The following LINGO2 variants were observed in gnomAD, a reference collection of about 807,000 sequenced individuals.
The protein encoded by LINGO2 is leucine-rich repeat and immunoglobulin-like domain-containing nogo receptor-interacting protein 2.
In LINGO2, 14 loss-of-function variants were observed where a neutral mutation model predicts 30.6. The ratio of observed to expected loss-of-function variants is 0.46; its 90% CI spans 0.30 to 0.72. The LOEUF is 0.72. Among genes scored for constraint, LINGO2 ranks in the 30% least tolerant of loss-of-function variants. The pLI is 0.07. For missense variants in LINGO2, 729 were observed against 751.7 expected, an observed-to-expected ratio of 0.97 and a Z score of 0.35; for synonymous variants, 317 against 288.5, an observed-to-expected ratio of 1.10 and a Z score of -1.00.
the LINGO2 span, among the ~76,000 whole-genome samples, chr9:28,812,731 G>A: frequency 6.6e-6 from 1 of 152,176 alleles, no homozygotes; most frequent in South Asian, 2.1e-4. Context: ...CAGGAGCAAA[G>A]TAACTGTGAT....
chr9:28,991,037 G>A, the LINGO2 span, among the ~76,000 whole-genome samples: 3 of 152,226 alleles, frequency 2.0e-5, no homozygotes, highest in Admixed American at 1.3e-4. Flanking sequence ...TGAGTTGAGA[G>A]AAGAAGGCTT....
At chr9:28,274,308 A>G (rs1186811719) in intron 4 of LINGO2, among the ~76,000 whole-genome samples, 1 of 152,160 alleles carries the variant, frequency 6.6e-6, no homozygotes, top group East Asian at 1.9e-4. Flanking sequence ...AGTAATTTTA[A>G]AAAAGTAACC....
chr9:28,682,655 T>G, the LINGO2 span, among the ~76,000 whole-genome samples: 1 of 152,138 alleles, frequency 6.6e-6, no homozygotes, highest in Non-Finnish European at 1.5e-5. Flanking sequence ...GATTTGAAAT[T>G]GATGTAAAAT....
chr9:28,955,962 A>G, the LINGO2 span, among the ~76,000 whole-genome samples: 1 of 152,104 alleles, frequency 6.6e-6, no homozygotes. Context: ...AAGATTACAA[A>G]CAAGTAATTC....
chr9:28,079,245 T>C (rs1366046369), intron 4 of LINGO2, among the ~76,000 whole-genome samples: 1 of 152,160 alleles, frequency 6.6e-6, no homozygotes, highest in Non-Finnish European at 1.5e-5. Context: ...AAACATGATT[T>C]ACTGAGTAAA....
chr9:28,223,281 C>A (rs1821031037), intron 4 of LINGO2, among the ~76,000 whole-genome samples: 1 of 152,190 alleles, frequency 6.6e-6, no homozygotes, highest in South Asian at 2.1e-4. Flanking sequence ...GTAAGGCCTG[C>A]TCTCTGCTTC....
At chr9:29,051,370 C>A in the LINGO2 span, among the ~76,000 whole-genome samples, 1 of 152,160 alleles carries the variant, frequency 6.6e-6, no homozygotes, top group Admixed American at 6.5e-5. Flanking sequence ...GTTGGAATTA[C>A]ACAGTATGTA....
chr9:29,192,260 C>A, the LINGO2 span, among the ~76,000 whole-genome samples: 1 of 152,098 alleles, frequency 6.6e-6, no homozygotes, highest in Non-Finnish European at 1.5e-5. Flanking sequence ...TGTTTTAGGG[C>A]CTGTTCTATA....
At chr9:28,235,402 A>C (rs1460055353) in intron 4 of LINGO2, among the ~76,000 whole-genome samples, 1 of 152,186 alleles carries the variant, frequency 6.6e-6, no homozygotes, top group Admixed American at 6.5e-5. Flanking sequence ...TAAAGACTAT[A>C]GTAAATACCT....
intron 4 of LINGO2, among the ~76,000 whole-genome samples, chr9:28,292,192 G>A (rs1291660794): frequency 6.6e-6 from 1 of 152,164 alleles, no homozygotes; most frequent in African/African-American, 2.4e-5. Flanking sequence ...GTGATCGGGA[G>A]CCAGCCTGCC....
intron 1 of LINGO2, among the ~76,000 whole-genome samples, chr9:28,506,417 TATATACAC>T (rs1161737385): frequency 0.062 from 194 of 3,128 alleles, 4 homozygotes; most frequent in African/African-American, 0.098. Flanking sequence ...TATATATATA[TATATACAC>T]ACACACACAC....
In LINGO2 at chr9:28,310,240, G is replaced by A. The variant is rs148801807; in HGVS notation, c.-245-14874C>T. Among the ~76,000 whole-genome samples, 578 of 152,220 alleles carry A rather than the reference G, an allele frequency of 3.8e-3. 1 individual carries two copies. The highest frequency in any genetic ancestry group is 0.013 in the African/African-American group (557 of 41,540). On this transcript the variant is annotated intron_variant, in intron 3 of 5. Transcript: ENST00000379992. ...GACATACAAACACTTGTCCACAGTC[G>A]TTCCTAGAAACTTTTTTGGCAGTTT...
the LINGO2 span, among the ~76,000 whole-genome samples, chr9:28,994,855 T>C: frequency 2.8e-4 from 43 of 152,244 alleles, no homozygotes; most frequent in African/African-American, 9.9e-4. Context: ...TTACACCTTA[T>C]ACAAAAATTA....
chr9:28,740,408 C>T, the LINGO2 span, among the ~76,000 whole-genome samples: 1 of 151,558 alleles, frequency 6.6e-6, no homozygotes, highest in African/African-American at 2.4e-5. Flanking sequence ...TCAGTTTTTG[C>T]CTAATGTATT....
chr9:27,958,695 G>A (rs1487977535), intron 5 of LINGO2, among the ~76,000 whole-genome samples: 1 of 152,062 alleles, frequency 6.6e-6, no homozygotes, highest in Non-Finnish European at 1.5e-5. Flanking sequence ...GAAAAACATA[G>A]TATTTGTAGG....
At chr9:28,454,608 T>C (rs1237169010) in intron 2 of LINGO2, among the ~76,000 whole-genome samples, 6 of 151,952 alleles carry the variant, frequency 3.9e-5, no homozygotes, top group Non-Finnish European at 7.4e-5. Context: ...ACAATGTACA[T>C]ATATATTCTG....
intron 1 of LINGO2, among the ~76,000 whole-genome samples, chr9:28,541,492 C>A (rs1038972892): frequency 2.6e-5 from 4 of 152,090 alleles, no homozygotes; most frequent in Non-Finnish European, 5.9e-5. Context: ...AAAACAAGAG[C>A]AATTTTTATA....
the LINGO2 span, among the ~76,000 whole-genome samples, chr9:28,917,196 C>T: frequency 2.9e-4 from 44 of 151,982 alleles, 1 homozygote; most frequent in Admixed American, 2.6e-3. Flanking sequence ...ACTATATCAC[C>T]GAAATAAAAT....
At chr9:28,644,972 C>G (rs1827771150) in intron 1 of LINGO2, among the ~76,000 whole-genome samples, 1 of 151,920 alleles carries the variant, frequency 6.6e-6, no homozygotes, top group Non-Finnish European at 1.5e-5. Flanking sequence ...ATTTAAAAAT[C>G]CCAGATGATT....
Sources: allele counts gnomAD v4.1 joint callset (sites outside exome capture counted in the v4.1 genomes callset), GRCh38; gene constraint gnomAD v4.1.1; transcripts MANE v1.5; gene names NCBI Gene and HGNC (gene_info 2026-07-23, HGNC 2026-07-21).